Variants in GGT5 observed in about 807,000 individuals in gnomAD.
GGT5 encodes gamma-glutamyltransferase 5, also known as glutathione hydrolase 5 proenzyme.
GGT5 carries 50 observed loss-of-function variants against 58.1 expected under a neutral mutation model. The observed-to-expected ratio is 0.86, with a 90% CI of 0.69 to 1.09. The LOEUF (loss-of-function observed/expected upper bound fraction) is 1.09. GGT5 is among the 50% of genes least tolerant of loss of function. GGT5 has a pLI of 0.00. For missense variants in GGT5, 800 were observed against 789.4 expected (o/e 1.01, Z -0.16); for synonymous variants, 370 against 346.1 (o/e 1.07, Z -0.77).
chr22:24,220,361 T>C, intron 11 of GGT5: 3 of 617,032 alleles, frequency 4.9e-6, no homozygotes, highest in Middle Eastern at 4.4e-4. Context: ...GACCTCCAAA[T>C]GCAAGTTCAT....
chr22:24,231,937 G>A lies in GGT5; in HGVS notation c.754+114C>T, dbSNP rs1644970028. 3 of 871,536 alleles carry A rather than the reference G, an allele frequency of 3.4e-6. No individual in the cohort carries two copies. The South Asian group carries it at 4.7e-5, about 14-fold the overall frequency. 54.0% of individuals were successfully genotyped at this position (871,536 alleles called of 1,614,324 possible). ...AGGTGCATGGCCTCTCGGGGTCCCGGGCACTGCCTGCACTCCCTCAGGGCC... is the reference window on the plus strand; with the variant it reads ...AGGTGCATGGCCTCTCGGGGTCCCGAGCACTGCCTGCACTCCCTCAGGGCC... On this transcript the variant is annotated intron_variant, in intron 5 of 11. Coordinates refer to ENST00000327365, the MANE Select transcript of GGT5 (RefSeq NM_004121.5).
At position 24,233,918 on chromosome 22, in the gene GGT5, C is replaced by T; in HGVS notation, c.260G>A (p.Gly87Asp). The T allele has an allele frequency of 6.2e-7, 1 of 1,613,444 alleles. No homozygotes were observed. The highest frequency in any genetic ancestry group is 8.5e-7 in the Non-Finnish European group (1 of 1,179,366). ...CTSVVNPQSM[G>D]LGGGVIFTIY... is the part of the protein sequence containing the mutation. ...GGTGAAGATGACCCCTCCGCCCAGG[C>T]CCATGCTCTGAGGGTTGACGACGCT... The change falls in exon 2 of 12, where the codon GGC (glycine) becomes GAC (aspartate). Residue 87 changes from glycine to aspartate, a missense_variant. Physicochemically the swap from Gly to Asp is moderately conservative, Grantham distance 94. Coordinates refer to ENST00000327365, the MANE Select transcript of GGT5 (RefSeq NM_004121.5).
intron 6 of GGT5, among the ~76,000 whole-genome samples, chr22:24,228,176 G>A (rs968921459): frequency 6.6e-6 from 1 of 151,584 alleles, no homozygotes; most frequent in Non-Finnish European, 1.5e-5. Flanking sequence ...GCTCATGCCT[G>A]TAATCCCAAA....
Position 24,231,384 on chromosome 22 carries a change from C to G in GGT5, c.901G>C (p.Gly301Arg). 2 of 1,546,898 alleles carry G rather than the reference C, an allele frequency of 1.3e-6. No individual in the cohort carries two copies. The highest frequency in any genetic ancestry group is 1.7e-6 in the Non-Finnish European group (2 of 1,145,036). The change falls in exon 6 of 12, where the codon GGG (glycine) becomes CGG (arginine). Residue 301 changes from glycine (G) to arginine (R), a missense_variant and splice_region_variant. Transcript: ENST00000327365. The part of the protein sequence containing the change: ...ILSFILNVLR[G>R]FNFSTESMAR... Reference sequence around the variant, plus strand: ...CCAGGGCTCTGGGCAGGGGCTTTACCTCTTAGCACGTTGAGGATAAAGCTG... The same window carrying G: ...CCAGGGCTCTGGGCAGGGGCTTTACGTCTTAGCACGTTGAGGATAAAGCTG...
chr22:24,232,907 C>A lies in GGT5; in HGVS notation c.512G>T (p.Arg171Leu), dbSNP rs565142474. Residue 171 changes from arginine to leucine, a missense_variant, in exon 4 of 12, where the codon CGA becomes CTA. Transcript: ENST00000327365. ...GACAGGGGCCACCACATGCCCCCCT[C>A]GGAGCAGCGCGATGGTGGGCTGGAA... Reference protein sequence around the residue: ...QLFQPTIALLRGGHVVAPVLS... With the variant: ...QLFQPTIALLLGGHVVAPVLS... 2.5e-6 allele frequency: 4 copies of A among 1,581,150 alleles called. No individual in the cohort carries two copies. Among genetic ancestry groups the A allele is most frequent in the South Asian group, 1.2e-5 (1 of 86,646 alleles).
Position 24,226,077 on chromosome 22 carries a change from G to T in GGT5, c.1228C>A (p.Pro410Thr). The T allele has an allele frequency of 6.3e-7, 1 of 1,587,730 alleles. No individual in the cohort carries two copies. ...CGCCTTCCCCCAGGCCCTACGCACG[G>T]TGTGTTGATGGTGCTGGTGGCAGCC... The part of the protein sequence containing the change: ...AVAATSTINT[P>T]FGAMVYSPRT... Residue 410 changes from proline (P) to threonine (T), a missense_variant and splice_region_variant, in exon 8 of 12, where the codon CCC becomes ACC. By Grantham distance (38) the Pro-to-Thr change is conservative (BLOSUM62 -1). Coordinates refer to ENST00000327365, the MANE Select transcript of GGT5 (RefSeq NM_004121.5).
chr22:24,229,861 A>AT (rs1416015203), intron 6 of GGT5, among the ~76,000 whole-genome samples: 1 of 151,454 alleles, frequency 6.6e-6, no homozygotes, highest in Non-Finnish European at 1.5e-5. Context: ...AAAAAAAAAA[A>AT]GAAAAAAAAA....
In GGT5 at chr22:24,222,804, G is replaced by A. The variant is rs147254629; in HGVS notation, c.1614+2192C>T. On this transcript the variant is annotated intron_variant, in intron 11 of 11. Transcript: ENST00000327365. ...TCAAGAGTCAAGGGAGGGGCCGGGC[G>A]CGGTGGCTCACGCCTATAATCCCAG... Among the ~76,000 whole-genome samples the A allele has an allele frequency of 2.9e-3, 437 of 151,724 alleles. 8 individuals are homozygous for A. In the South Asian group the frequency reaches 0.034, roughly 12 times the overall value.
intron 1 of GGT5, among the ~76,000 whole-genome samples, chr22:24,238,835 A>T (rs866403194): frequency 2.3e-4 from 3 of 12,778 alleles, no homozygotes; most frequent in Non-Finnish European, 3.4e-4. Context: ...ATATATATTT[A>T]TATATATATA....
At chr22:24,231,606 A>T (rs1175936546) in intron 5 of GGT5, 76 bp from the exon 6 acceptor site, 2 of 1,397,126 alleles carry the variant, frequency 1.4e-6, no homozygotes. Context: ...CTGTCAGGTC[A>T]CACAATGGGA....
chr22:24,220,763 G>A (rs1222873483), intron 11 of GGT5: 1 of 442,274 alleles, frequency 2.3e-6, no homozygotes, highest in Non-Finnish European at 4.5e-6. Context: ...TGGGCGTGGT[G>A]GCTCACACCT....
At chr22:24,240,381 T>A (rs1482626419) in intron 1 of GGT5, among the ~76,000 whole-genome samples, 1 of 152,154 alleles carries the variant, frequency 6.6e-6, no homozygotes, top group East Asian at 1.9e-4. Flanking sequence ...CAATAAAAAT[T>A]AAAGTAATTG....
chr22:24,236,795 C>G (rs1420909796), intron 1 of GGT5, among the ~76,000 whole-genome samples: 1 of 150,160 alleles, frequency 6.7e-6, no homozygotes, highest in Non-Finnish European at 1.5e-5. Context: ...AAACGTAAAT[C>G]AGACTTCCTG....
intron 1 of GGT5, among the ~76,000 whole-genome samples, chr22:24,238,939 A>T (rs11912938): frequency 3.1e-4 from 5 of 15,888 alleles, no homozygotes; most frequent in African/African-American, 1.2e-3. Flanking sequence ...TATATTATAT[A>T]ATATATATAT....
At chr22:24,236,232 G>A (rs936502730) in intron 1 of GGT5, among the ~76,000 whole-genome samples, 10 of 152,210 alleles carry the variant, frequency 6.6e-5, no homozygotes, top group Admixed American at 2.6e-4. Context: ...CCTAGTCCTC[G>A]TTGTCTTAGA....
chr22:24,238,854 AT>A (rs1264455089), intron 1 of GGT5, among the ~76,000 whole-genome samples: 1,868 of 15,706 alleles, frequency 0.12, 225 homozygotes, highest in Admixed American at 0.15. Flanking sequence ...TATTATATAT[AT>A]TATATATATA....
At chr22:24,225,188 A>C in intron 10 of GGT5, 57 bp downstream of exon 10, 1 of 1,592,764 alleles carries the variant, frequency 6.3e-7, no homozygotes, top group Non-Finnish European at 8.6e-7. Context: ...CTCCAGAGAC[A>C]GTCAGACAGT....
intron 6 of GGT5, 112 bp downstream of exon 6, chr22:24,231,272 G>C: frequency 1.5e-6 from 1 of 682,584 alleles, no homozygotes; most frequent in Non-Finnish European, 2.5e-6. Flanking sequence ...CCGGTTTATG[G>C]AGGAGGAGGC....
chr22:24,225,754 C>A, intron 8 of GGT5, 102 bp from the exon 9 acceptor site: 1 of 762,562 alleles, frequency 1.3e-6, no homozygotes, highest in East Asian at 2.7e-5. Flanking sequence ...TTACAGCTGC[C>A]CCGAAGCATG....
Sources: gnomAD v4.1 joint callset for allele counts (sites outside exome capture counted in the v4.1 genomes callset) on GRCh38, gnomAD v4.1.1 for gene constraint, MANE v1.5 for transcripts, NCBI Gene and HGNC (gene_info 2026-07-23, HGNC 2026-07-21) for gene names.